The following WDR49 variants were observed in gnomAD, a reference collection of about 807,000 sequenced individuals.
WDR49 encodes the protein cilia- and flagella-associated protein 337.
Under a neutral mutation model 119.5 loss-of-function variants are expected in WDR49, and 107 were observed. That is an observed-to-expected ratio of 0.90 (90% CI 0.77 to 1.05). The LOEUF is 1.05. WDR49 is among the 50% of genes least tolerant of loss of function. The pLI is 0.00. For synonymous variants in WDR49, 425 were observed against 418.8 expected, an observed-to-expected ratio of 1.01 and a Z score of -0.18; for missense variants, 1,240 against 1,220.5, an observed-to-expected ratio of 1.02 and a Z score of -0.24.
intron 2 of WDR49, among the ~76,000 whole-genome samples, chr3:167,647,863 C>T (rs1008741499): frequency 1.3e-5 from 2 of 152,106 alleles, no homozygotes; most frequent in East Asian, 3.8e-4. Context: ...TTCATTCTTC[C>T]ACCCTTTCTC....
intron 8 of WDR49, chr3:167,575,180 G>C: frequency 1.0e-6 from 1 of 985,414 alleles, no homozygotes; most frequent in Non-Finnish European, 1.2e-6. Context: ...CGGGATCACT[G>C]CAGCAGGCTA....
At position 167,642,694 on chromosome 3, in the gene WDR49, T is replaced by C. The variant is rs138830096; in HGVS notation, c.165+10567A>G. 2.3e-3 allele frequency among the ~76,000 whole-genome samples: 348 copies of C among 152,064 alleles called. 1 individual carries two copies. The highest frequency in any genetic ancestry group is 7.8e-3 in the African/African-American group (325 of 41,514). The stretch of plus-strand genomic sequence containing the variant: ...CAGATCCTGTTATTCTCAATACCAT[T>C]CTCCAATAAATGGAACTGGGGATCC... On this transcript the variant is annotated intron_variant, in intron 2 of 18. Transcript: ENST00000682715.
At chr3:167,649,606 T>C (rs1157116504) in intron 2 of WDR49, among the ~76,000 whole-genome samples, 1 of 152,218 alleles carries the variant, frequency 6.6e-6, no homozygotes, top group Non-Finnish European at 1.5e-5. Flanking sequence ...TCTTTTGAGA[T>C]TCAGTTTGAA....
chr3:167,605,694 A>G (rs1716028368), intron 5 of WDR49, among the ~76,000 whole-genome samples: 1 of 152,226 alleles, frequency 6.6e-6, no homozygotes, highest in South Asian at 2.1e-4. Flanking sequence ...GACAAAAAGC[A>G]TTTCAATAGA....
Position 167,532,931 on chromosome 3 carries a change from A to G in WDR49, c.2001T>C (p.Asn667=). 1.9e-6 allele frequency: 3 copies of G among 1,610,198 alleles called. No individual in the cohort carries two copies. The highest frequency in any genetic ancestry group is 2.5e-6 in the Non-Finnish European group (3 of 1,177,374). ...EIVLWNNSTE[N]AHHVLHPDYQ... Reference sequence around the variant, plus strand: ...AATCAGGGTGAAGAACATGGTGAGCATTCTCTGTGCTATTGTTCCATAGAA... The same window carrying G: ...AATCAGGGTGAAGAACATGGTGAGCGTTCTCTGTGCTATTGTTCCATAGAA... Residue 667 remains asparagine (N), a synonymous_variant, in exon 12 of 19, where the codon AAT becomes AAC. Coordinates refer to ENST00000682715, the MANE Select transcript of WDR49 (RefSeq NM_001366157.1).
chr3:167,621,766 A>T, intron 3 of WDR49, 123 bp from the exon 4 acceptor site: 5 of 910,610 alleles, frequency 5.5e-6, no homozygotes, highest in Non-Finnish European at 7.9e-6. Flanking sequence ...CCTTAACAGT[A>T]TTACAGAAGT....
At chr3:167,578,739 C>T (rs1194967144) in intron 7 of WDR49, among the ~76,000 whole-genome samples, 3 of 152,094 alleles carry the variant, frequency 2.0e-5, no homozygotes, top group Non-Finnish European at 2.9e-5. Context: ...ATTACAGGTG[C>T]TATGATTTCT....
intron 2 of WDR49, among the ~76,000 whole-genome samples, chr3:167,645,902 C>A (rs998091375): frequency 1.3e-5 from 2 of 152,148 alleles, no homozygotes; most frequent in African/African-American, 4.8e-5. Flanking sequence ...ATATAGGAAG[C>A]TATGAGAAGA....
In WDR49 at chr3:167,478,945, T is replaced by C; in HGVS notation, c.3083A>G (p.His1028Arg). Residue 1028 changes from histidine to arginine, a missense_variant, in exon 19 of 19, where the codon CAT becomes CGT. By Grantham distance (29) the His-to-Arg change is conservative (BLOSUM62 0). Transcript: ENST00000682715. The stretch of plus-strand genomic sequence containing the variant: ...TAATTGCTTGGCTTTTCGTTCATGA[T>C]GCAGAATTTCCTTGGGAAACAGGTT... ...EKNLFPKEIL[H>R]HERKAKQLCQ... 2 of 1,609,718 alleles carry C rather than the reference T, an allele frequency of 1.2e-6. No individual in the cohort carries two copies. Among genetic ancestry groups the C allele is most frequent in the South Asian group, 1.1e-5 (1 of 89,432 alleles).
chr3:167,515,772 T>TAAGC (rs1456722766), intron 16 of WDR49, among the ~76,000 whole-genome samples: 1 of 151,824 alleles, frequency 6.6e-6, no homozygotes, highest in Admixed American at 6.6e-5. Flanking sequence ...CTTAAGCTGA[T>TAAGC]AACTTCAGCA....
At chr3:167,652,909 G>A (rs1416767194) in intron 2 of WDR49, among the ~76,000 whole-genome samples, 2 of 152,086 alleles carry the variant, frequency 1.3e-5, no homozygotes, top group Non-Finnish European at 2.9e-5. Context: ...ATTATTCCTG[G>A]AGGTCACCTT....
intron 10 of WDR49, among the ~76,000 whole-genome samples, chr3:167,550,054 T>G (rs1036146814): frequency 2.0e-5 from 3 of 151,996 alleles, no homozygotes; most frequent in African/African-American, 7.2e-5. Flanking sequence ...TTGGTCTATA[T>G]CTCTGTTTTG....
At chr3:167,556,087 TAACTG>T (rs1712909683) in intron 9 of WDR49, among the ~76,000 whole-genome samples, 1 of 152,248 alleles carries the variant, frequency 6.6e-6, no homozygotes, top group African/African-American at 2.4e-5. Flanking sequence ...AGTCTGTTGT[TAACTG>T]AAATGTTGCT....
chr3:167,653,734 A>G (rs1404779178), intron 1 of WDR49, 100 bp downstream of exon 1: 1 of 199,104 alleles, frequency 5.0e-6, no homozygotes, highest in Non-Finnish European at 1.0e-5. Flanking sequence ...AAATGTGTAA[A>G]GCTTTCCCCA....
chr3:167,548,273 T>C (rs1712329135), intron 10 of WDR49, among the ~76,000 whole-genome samples: 1 of 152,048 alleles, frequency 6.6e-6, no homozygotes, highest in Non-Finnish European at 1.5e-5. Flanking sequence ...CATTCTCCAC[T>C]GACAGCTCAA....
intron 8 of WDR49, among the ~76,000 whole-genome samples, chr3:167,565,790 A>C (rs1452925333): frequency 6.6e-6 from 1 of 152,190 alleles, no homozygotes; most frequent in Non-Finnish European, 1.5e-5. Flanking sequence ...GATTCAAAAC[A>C]ATCCAAAACT....
chr3:167,634,277 C>T (rs1717513060), intron 2 of WDR49, among the ~76,000 whole-genome samples: 2 of 151,914 alleles, frequency 1.3e-5, no homozygotes, highest in South Asian at 4.1e-4. Flanking sequence ...CATTAGAAAA[C>T]ATAATCTCAT....
rs1460340781 is a variant in WDR49 at position 167,605,101 on chromosome 3, TATAC to T, written c.959-637_959-634del. Among the ~76,000 whole-genome samples the T allele has an allele frequency of 3.2e-4, 41 of 129,904 alleles. 1 individual carries two copies. The highest frequency in any genetic ancestry group is 8.5e-4 in the East Asian group (4 of 4,720). The allele number at this position is 129,904 out of a possible 152,430, so 85.2% of individuals were successfully genotyped here. ...CATATATTTGTAATATGTGTATATA[TATAC>T]ACACACACACACACACACACACATA... On this transcript the variant is annotated intron_variant, in intron 5 of 18. Coordinates refer to ENST00000682715, the MANE Select transcript of WDR49 (RefSeq NM_001366157.1).
intron 7 of WDR49, among the ~76,000 whole-genome samples, chr3:167,581,689 G>A (rs1019532764): frequency 1.1e-4 from 16 of 152,204 alleles, no homozygotes; most frequent in African/African-American, 3.9e-4. Context: ...TTTCTTCTGT[G>A]CTACAAATGT....
Sources: allele counts gnomAD v4.1 joint callset (sites outside exome capture counted in the v4.1 genomes callset), GRCh38; gene constraint gnomAD v4.1.1; transcripts MANE v1.5; gene names NCBI Gene and HGNC (gene_info 2026-07-23, HGNC 2026-07-21).